The following HNRNPR variants were observed in gnomAD, a reference collection of about 807,000 sequenced individuals.
HNRNPR encodes the protein heterogeneous nuclear ribonucleoprotein R.
In HNRNPR, 4 loss-of-function variants were observed where a neutral mutation model predicts 70.3. The observed-to-expected ratio is 0.06, with a 90% confidence interval of 0.03 to 0.13. The LOEUF is 0.13. Among genes scored for constraint, HNRNPR ranks in the 10% least tolerant of loss-of-function variants. HNRNPR has a pLI of 1.00. For missense variants in HNRNPR, 423 were observed against 788.5 expected, an observed-to-expected ratio of 0.54 and a Z score of 5.55; for synonymous variants, 241 against 267.6, an observed-to-expected ratio of 0.90 and a Z score of 0.97.
chr1:23,336,132 A>AAAAAAAAAAAAAAAAAAAAAAC (rs1557927545), intron 4 of HNRNPR, among the ~76,000 whole-genome samples: 2 of 144,444 alleles, frequency 1.4e-5, no homozygotes, highest in African/African-American at 5.1e-5. Flanking sequence ...AAAAAAAAAA[A>AAAAAAAAAAAAAAAAAAAAAAC]GTCTATCACA....
intron 5 of HNRNPR, among the ~76,000 whole-genome samples, chr1:23,329,181 A>G (rs942816938): frequency 1.3e-5 from 2 of 152,152 alleles, no homozygotes; most frequent in Admixed American, 1.3e-4. Flanking sequence ...CCCCAATACT[A>G]TAGTCACGTG....
intron 8 of HNRNPR, among the ~76,000 whole-genome samples, chr1:23,317,777 T>G (rs922497053): frequency 1.3e-5 from 2 of 151,360 alleles, no homozygotes; most frequent in Non-Finnish European, 2.9e-5. Context: ...AGCTTAGGAG[T>G]TCGAGACCAG....
chr1:23,334,569 G>C (rs1023563607), intron 4 of HNRNPR, among the ~76,000 whole-genome samples: 2 of 152,092 alleles, frequency 1.3e-5, no homozygotes, highest in African/African-American at 4.8e-5. Flanking sequence ...ATTTAAGCTT[G>C]ATTTTGTTTG....
chr1:23,338,823 A>G (rs144361844), intron 2 of HNRNPR, among the ~76,000 whole-genome samples: 1 of 152,302 alleles, frequency 6.6e-6, no homozygotes, highest in Non-Finnish European at 1.5e-5. Flanking sequence ...CAAAAACATG[A>G]ATTTCAATCT....
At chr1:23,332,357 T>C (rs572072268) in intron 5 of HNRNPR, among the ~76,000 whole-genome samples, 18 of 150,822 alleles carry the variant, frequency 1.2e-4, no homozygotes, top group Admixed American at 4.6e-4. Flanking sequence ...TTCTGAGTGA[T>C]AGGTGAGGCA....
At chr1:23,341,675 A>G (rs538797053) in intron 1 of HNRNPR, among the ~76,000 whole-genome samples, 1 of 152,328 alleles carries the variant, frequency 6.6e-6, no homozygotes, top group East Asian at 1.9e-4. Context: ...AATTGTTTTC[A>G]GTCCAAATAA....
Position 23,311,490 on chromosome 1 carries a change from A to G in HNRNPR, c.1168-168T>C, listed in dbSNP as rs144707863. ...GCCAGAAAGTTAAACACAAACACAC[A>G]AAGAAAATACGTTTCCCTTGACCTT... On this transcript the variant is annotated intron_variant, in intron 9 of 10. Transcript: ENST00000302271. Among the ~76,000 whole-genome samples the G allele has an allele frequency of 3.3e-5, 5 of 152,312 alleles. No individual in the cohort carries two copies. In the East Asian group the frequency reaches 5.8e-4, roughly 18 times the overall value.
At chr1:23,320,151 C>A (rs1439923759) in intron 7 of HNRNPR, among the ~76,000 whole-genome samples, 1 of 152,120 alleles carries the variant, frequency 6.6e-6, no homozygotes, top group Non-Finnish European at 1.5e-5. Flanking sequence ...ACAATGCCAG[C>A]ACTTAACAGG....
intron 8 of HNRNPR, among the ~76,000 whole-genome samples, chr1:23,314,340 A>G (rs1332176704): frequency 6.6e-6 from 1 of 152,186 alleles, no homozygotes; most frequent in African/African-American, 2.4e-5. Context: ...ATGACTTAAA[A>G]TCTAGGAGCC....
intron 4 of HNRNPR, 143 bp downstream of exon 4, chr1:23,337,611 T>C (rs112861743): frequency 0.012 from 6,636 of 570,398 alleles, 301 homozygotes; most frequent in African/African-American, 0.11. Flanking sequence ...GATCCAAGAC[T>C]GCGCCGCTAC....
chr1:23,335,179 A>G (rs1646418716), intron 4 of HNRNPR, among the ~76,000 whole-genome samples: 1 of 152,224 alleles, frequency 6.6e-6, no homozygotes, highest in Non-Finnish European at 1.5e-5. Context: ...CAGCCTCCCA[A>G]AGTGCTGGGA....
intron 2 of HNRNPR, among the ~76,000 whole-genome samples, chr1:23,339,808 T>C (rs1646644437): frequency 6.6e-6 from 1 of 152,070 alleles, no homozygotes. Flanking sequence ...ATCAATCCAT[T>C]TTGTCAAACC....
chr1:23,336,080 G>A (rs1266744440), intron 4 of HNRNPR, among the ~76,000 whole-genome samples: 1 of 125,980 alleles, frequency 7.9e-6, no homozygotes, highest in Non-Finnish European at 1.6e-5. Flanking sequence ...TCCCGCCACT[G>A]CACTCCAGCC....
intron 6 of HNRNPR, among the ~76,000 whole-genome samples, chr1:23,322,267 G>A (rs965445057): frequency 5.4e-5 from 8 of 148,780 alleles, no homozygotes; most frequent in South Asian, 2.1e-4. Flanking sequence ...ATGGAGTCTC[G>A]CTCTGTCATC....
At chr1:23,320,066 T>G (rs146459768) in intron 7 of HNRNPR, among the ~76,000 whole-genome samples, 75 of 152,334 alleles carry the variant, frequency 4.9e-4, no homozygotes, top group African/African-American at 1.8e-3. Flanking sequence ...TGGTCTTATC[T>G]CCTTTCTCAG....
chr1:23,335,186 G>A (rs1337497009), intron 4 of HNRNPR, among the ~76,000 whole-genome samples: 1 of 152,246 alleles, frequency 6.6e-6, no homozygotes, highest in Non-Finnish European at 1.5e-5. Context: ...CCAAAGTGCT[G>A]GGATTACAGG....
intron 6 of HNRNPR, 105 bp downstream of exon 6, chr1:23,323,451 G>A (rs1344154745): frequency 5.6e-6 from 6 of 1,074,302 alleles, no homozygotes; most frequent in Admixed American, 2.3e-5. Context: ...AACATTCCAA[G>A]CAACAACTGA....
chr1:23,321,026 C>T (rs1645735456), intron 7 of HNRNPR, among the ~76,000 whole-genome samples: 1 of 151,870 alleles, frequency 6.6e-6, no homozygotes. Flanking sequence ...ATTAGCCAGG[C>T]GTGGTGGCAC....
chr1:23,335,008 C>A, intron 4 of HNRNPR, among the ~76,000 whole-genome samples: 1 of 152,034 alleles, frequency 6.6e-6, no homozygotes, highest in Non-Finnish European at 1.5e-5. Context: ...AGCTCCGCCT[C>A]CCGGGTTCAC....
Sources: allele counts gnomAD v4.1 joint callset (sites outside exome capture counted in the v4.1 genomes callset), GRCh38; gene constraint gnomAD v4.1.1; transcripts MANE v1.5; gene names NCBI Gene and HGNC (gene_info 2026-07-23, HGNC 2026-07-21).